The following RRBP1 variants were observed in gnomAD, a reference collection of about 807,000 sequenced individuals.
RRBP1 encodes ribosome binding protein 1.
A neutral mutation model predicts 165.2 loss-of-function variants in RRBP1; 94 were observed. That is an observed-to-expected ratio of 0.57 (90% confidence interval 0.48 to 0.68). The LOEUF is 0.68. Ranked by LOEUF, RRBP1 falls within the 30% of genes least tolerant of loss-of-function variation. The pLI is 0.00. For synonymous variants in RRBP1, 680 were observed against 714.5 expected, an observed-to-expected ratio of 0.95 and a Z score of 0.77; for missense variants, 1,676 against 1,763.0, an observed-to-expected ratio of 0.95 and a Z score of 0.88.
chr20:17,648,436 C>T lies in RRBP1; in HGVS notation c.1913-5309G>A, dbSNP rs147287920. On this transcript the variant is annotated intron_variant, in intron 3 of 24. Transcript: ENST00000377813. ...CAGGCCCAGCTCAGGCCACAGAGCC[C>T]GGCCTTGCCCAAGCGCTGCTCAGCG... is the stretch of plus-strand genomic sequence containing the variant. Among the ~76,000 whole-genome samples, 360 of 152,386 alleles carry T rather than the reference C, an allele frequency of 2.4e-3. 1 individual carries two copies. Among genetic ancestry groups the T allele is most frequent in the South Asian group, 0.015 (73 of 4,832 alleles).
At chr20:17,629,020 C>A (rs1463342213) in intron 9 of RRBP1, among the ~76,000 whole-genome samples, 2 of 152,238 alleles carry the variant, frequency 1.3e-5, no homozygotes, top group African/African-American at 4.8e-5. Context: ...GGCACTTTTG[C>A]CCACTGTGGC....
At chr20:17,640,971 A>T (rs1207071049) in intron 5 of RRBP1, among the ~76,000 whole-genome samples, 1 of 152,232 alleles carries the variant, frequency 6.6e-6, no homozygotes, top group East Asian at 1.9e-4. Flanking sequence ...TGGAGAAGGC[A>T]GGGAGGCAGG....
chr20:17,647,517 G>A (rs997975845), intron 3 of RRBP1, among the ~76,000 whole-genome samples: 3 of 152,092 alleles, frequency 2.0e-5, no homozygotes, highest in African/African-American at 7.2e-5. Context: ...ATTTCAGGAT[G>A]CCCAGGGGGA....
At chr20:17,617,781 AGGG>A (rs2035829903) in intron 20 of RRBP1, among the ~76,000 whole-genome samples, 1 of 152,226 alleles carries the variant, frequency 6.6e-6, no homozygotes, top group African/African-American at 2.4e-5. Context: ...TGGCTGCTGC[AGGG>A]GGAATGCCAG....
At chr20:17,654,789 G>A (rs987951650) in intron 3 of RRBP1, among the ~76,000 whole-genome samples, 3 of 152,106 alleles carry the variant, frequency 2.0e-5, no homozygotes, top group Admixed American at 6.5e-5. Context: ...CTTCACCCCC[G>A]AACTACTGAG....
intron 2 of RRBP1, among the ~76,000 whole-genome samples, chr20:17,662,061 G>C (rs918509124): frequency 6.6e-6 from 1 of 152,146 alleles, no homozygotes; most frequent in Non-Finnish European, 1.5e-5. Flanking sequence ...AGGAGATCGA[G>C]ACCATCCTGG....
chr20:17,644,356 A>G (rs6080757), intron 3 of RRBP1, among the ~76,000 whole-genome samples: 45,261 of 152,128 alleles, frequency 0.3, 8,298 homozygotes, highest in Middle Eastern at 0.44. Context: ...TTTTCACTGA[A>G]ATACGTGTAT....
At chr20:17,635,423 G>A (rs1027997656) in intron 7 of RRBP1, 123 bp downstream of exon 7, 6 of 696,230 alleles carry the variant, frequency 8.6e-6, no homozygotes, top group South Asian at 2.0e-5. Context: ...AGGTCAGGAC[G>A]GCTCCGCACA....
intron 3 of RRBP1, among the ~76,000 whole-genome samples, chr20:17,650,337 T>C (rs1175439466): frequency 1.3e-5 from 2 of 152,174 alleles, no homozygotes; most frequent in Admixed American, 6.5e-5. Context: ...TGCCACCTCA[T>C]GGAGGTTGGG....
chr20:17,660,421 C>A lies in RRBP1; in HGVS notation c.87G>T (p.Ser29=). 3.1e-6 allele frequency: 5 copies of A among 1,614,074 alleles called. 1 individual carries two copies. The South Asian group carries it at 5.5e-5, about 18-fold the overall frequency. Residue 29 remains serine (S), a synonymous_variant, in exon 3 of 25, where the codon TCG becomes TCT. Coordinates refer to ENST00000377813, the MANE Select transcript of RRBP1 (RefSeq NM_001365613.2). ...ATGACGTTTCCTTCATGGAGAAAGT[C>A]GACACCAGGAAGATGCCAATGGCAG... ...VVSAIGIFLV[S]TFSMKETSYE...
intron 21 of RRBP1, 114 bp from the exon 22 acceptor site, chr20:17,616,123 C>G (rs914206721): frequency 2.4e-6 from 2 of 834,462 alleles, no homozygotes; most frequent in Non-Finnish European, 3.7e-6. Flanking sequence ...TTTCCCTGCC[C>G]CAACGCTCCC....
intron 3 of RRBP1, among the ~76,000 whole-genome samples, chr20:17,648,150 G>A (rs1484056467): frequency 2.0e-5 from 3 of 152,162 alleles, no homozygotes; most frequent in Non-Finnish European, 4.4e-5. Flanking sequence ...TCCCTTCAGG[G>A]TCCCACCCCG....
At chr20:17,676,361 G>A (rs539034952) in intron 2 of RRBP1, among the ~76,000 whole-genome samples, 99 of 152,286 alleles carry the variant, frequency 6.5e-4, no homozygotes, top group African/African-American at 2.3e-3. Flanking sequence ...AGGATAAACC[G>A]AGGTTTGTGG....
intron 4 of RRBP1, 117 bp from the exon 5 acceptor site, chr20:17,642,036 C>G (rs571428892): frequency 8.6e-7 from 1 of 1,159,102 alleles, no homozygotes; most frequent in East Asian, 2.4e-5. Flanking sequence ...GGCTTCGAGT[C>G]AAGGGTTCCA....
chr20:17,613,871 G>A lies in RRBP1; in HGVS notation c.*311C>T. ...CACTAAACGATTGCACTGACAGACA[G>A]ACCCCAGAGCGCCCGGCCTCCCACA... is the stretch of plus-strand genomic sequence containing the variant. On this transcript the variant is annotated 3_prime_UTR_variant, in exon 25 of 25. Transcript: ENST00000377813. 1 of 292,260 alleles carries A rather than the reference G, an allele frequency of 3.4e-6. No homozygotes were observed. The highest frequency in any genetic ancestry group is 7.3e-5 in the East Asian group (1 of 13,618). The allele number at this position is 292,260 out of a possible 1,614,324, so 18.1% of individuals were successfully genotyped here.
intron 3 of RRBP1, among the ~76,000 whole-genome samples, chr20:17,655,792 A>G (rs1419223238): frequency 6.6e-6 from 1 of 152,230 alleles, no homozygotes; most frequent in Admixed American, 6.5e-5. Flanking sequence ...TATACATTAT[A>G]TATTTATATT....
chr20:17,618,998 C>T (rs2035856066), intron 19 of RRBP1: 2 of 345,534 alleles, frequency 5.8e-6, no homozygotes, highest in Non-Finnish European at 1.1e-5. Context: ...CTGTCATCCA[C>T]GCTGGTCTTG....
chr20:17,641,899 A>G lies in RRBP1; in HGVS notation c.2082T>C (p.Pro694=), dbSNP rs766446395. 2.5e-6 allele frequency: 4 copies of G among 1,613,972 alleles called. No individual in the cohort carries two copies. The South Asian group carries it at 3.3e-5, about 13-fold the overall frequency. The change falls in exon 5 of 25, where the codon CCT becomes CCC. Residue 694 remains proline (P), a synonymous_variant. Coordinates refer to ENST00000377813, the MANE Select transcript of RRBP1 (RefSeq NM_001365613.2). The part of the protein sequence containing the change: ...TWHKATQKGD[P]VAILKRQLEE... ...CCAGCTGGCGTTTCAGAATCGCCAC[A>G]GGGTCACCCTTCTGAGTGGCCTAGA... is the stretch of plus-strand genomic sequence containing the variant.
At position 17,614,687 on chromosome 20, in the gene RRBP1, G is replaced by T. The variant is rs766178651; in HGVS notation, c.4194+50C>A. 1.1e-5 allele frequency: 17 copies of T among 1,600,858 alleles called. No homozygotes were observed. In the East Asian group the frequency reaches 3.8e-4, roughly 36 times the overall value. On this transcript the variant is annotated intron_variant, in intron 24 of 24. Coordinates refer to ENST00000377813, the MANE Select transcript of RRBP1 (RefSeq NM_001365613.2). ...CCTCTCCCGGTCCTGCCTCCCCGGG[G>T]CTCCCGGCAGCTCGACTCCTCCCGC...
Sources: gnomAD v4.1 joint callset for allele counts (sites outside exome capture counted in the v4.1 genomes callset) on GRCh38, gnomAD v4.1.1 for gene constraint, MANE v1.5 for transcripts, NCBI Gene and HGNC (gene_info 2026-07-23, HGNC 2026-07-21) for gene names.